Variants in PER3 observed in about 807,000 individuals in gnomAD.
The protein encoded by PER3 is period circadian protein homolog 3.
A neutral mutation model predicts 127.2 loss-of-function variants in PER3; 107 were observed. The ratio of observed to expected loss-of-function variants is 0.84; its 90% CI spans 0.72 to 0.99. The LOEUF (loss-of-function observed/expected upper bound fraction) is 0.99, where lower values mean the gene tolerates loss of function less well. Among genes scored for constraint, PER3 ranks in the 50% least tolerant of loss-of-function variants. PER3 has a pLI of 0.00. For synonymous variants in PER3, 618 were observed against 585.8 expected, an observed-to-expected ratio of 1.05 and a Z score of -0.79; for missense variants, 1,560 against 1,525.8, an observed-to-expected ratio of 1.02 and a Z score of -0.37.
chr1:7,803,738 A>AT lies in PER3; in HGVS notation c.1030dup (p.Cys344LeufsTer33). On this transcript the variant is annotated frameshift_variant, in exon 10 of 22. Transcript: ENST00000377532. LOFTEE classifies it high-confidence loss of function. Reference sequence around the variant, plus strand: ...CTCCCTTTGAACATTCTCCCATTCGATTTTGTACTCAAAACGGAGACTACA... The same window carrying AT: ...CTCCCTTTGAACATTCTCCCATTCGATTTTTGTACTCAAAACGGAGACTACA... The AT allele has an allele frequency of 6.2e-7, 1 of 1,610,484 alleles. No homozygotes were observed. Among genetic ancestry groups the AT allele is most frequent in the Non-Finnish European group, 8.5e-7 (1 of 1,176,800 alleles).
Position 7,813,492 on chromosome 1 carries a change from G to A in PER3, c.1522+2904G>A, listed in dbSNP as rs536754039. On this transcript the variant is annotated intron_variant, in intron 13 of 21. Coordinates refer to ENST00000377532, the MANE Select transcript of PER3 (RefSeq NM_001377275.1). ...ATGCAGCACTGGATTCCAGTGCACC[G>A]ACAGCCTGAGTCAAGTAACTTGCAA... 5.3e-5 allele frequency among the ~76,000 whole-genome samples: 8 copies of A among 152,272 alleles called. No individual in the cohort carries two copies. The South Asian group carries it at 8.3e-4, about 16-fold the overall frequency.
At position 7,827,133 on chromosome 1, in the gene PER3, A is replaced by G. The variant is rs918608674; in HGVS notation, c.2204A>G (p.Lys735Arg). 1.9e-6 allele frequency: 3 copies of G among 1,597,754 alleles called. No individual in the cohort carries two copies. The highest frequency in any genetic ancestry group is 2.7e-5 in the African/African-American group (2 of 74,500). ...ATCCTTCCAGGAGATTCTACTTCCA[A>G]GCAGACGCGGTCGGCCGGCTGCAGG... ...YSYFQGDSTS[K>R]QTRSAGCRKG... Residue 735 changes from lysine (K) to arginine (R), a missense_variant, in exon 18 of 22, where the codon AAG becomes AGG. Physicochemically the swap from Lys to Arg is conservative, Grantham distance 26. Coordinates refer to ENST00000377532, the MANE Select transcript of PER3 (RefSeq NM_001377275.1).
chr1:7,835,876 A>C lies in PER3; in HGVS notation c.3329A>C (p.Glu1110Ala). The C allele has an allele frequency of 6.2e-7, 1 of 1,612,024 alleles. No individual in the cohort carries two copies. The highest frequency in any genetic ancestry group is 8.5e-7 in the Non-Finnish European group (1 of 1,178,004). Residue 1110 changes from glutamate to alanine, a missense_variant, in exon 20 of 22, where the codon GAA (glutamate) becomes GCA (alanine). Glu to Ala is a moderately radical substitution (Grantham distance 107). Coordinates refer to ENST00000377532, the MANE Select transcript of PER3 (RefSeq NM_001377275.1). ...AAAGAAACATTTCCTAATGTCGCCG[A>C]AGAGCCCATCTGGAGAATGATACGG... The part of the protein sequence containing the change: ...QKKETFPNVA[E>A]EPIWRMIRQT...
intron 14 of PER3, 86 bp from the exon 15 acceptor site, chr1:7,820,029 A>C: frequency 7.4e-7 from 1 of 1,356,250 alleles, no homozygotes; most frequent in South Asian, 1.3e-5. Context: ...TATGCCAAAC[A>C]TAAGTGGCAT....
intron 13 of PER3, among the ~76,000 whole-genome samples, chr1:7,815,935 G>C (rs530341039): frequency 1.5e-5 from 2 of 136,832 alleles, no homozygotes; most frequent in East Asian, 4.7e-4. Context: ...GGAACTTGCA[G>C]TGAGCCAAGA....
chr1:7,804,890 A>G (rs1212766596), intron 10 of PER3, among the ~76,000 whole-genome samples: 3 of 145,088 alleles, frequency 2.1e-5, no homozygotes, highest in African/African-American at 7.6e-5. Flanking sequence ...TTTTTTTGAG[A>G]CAGGATCTCA....
At chr1:7,833,928 T>A (rs2097345090) in intron 19 of PER3, among the ~76,000 whole-genome samples, 1 of 152,146 alleles carries the variant, frequency 6.6e-6, no homozygotes, top group Non-Finnish European at 1.5e-5. Context: ...TATTTTATCT[T>A]ATTTTTTTCT....
rs746190926 is a variant in PER3, at chr1:7,798,541, A to C, written c.661A>C (p.Lys221Gln). The C allele has an allele frequency of 6.2e-7, 1 of 1,613,804 alleles. No homozygotes were observed. Among genetic ancestry groups the C allele is most frequent in the East Asian group, 2.2e-5 (1 of 44,884 alleles). The change falls in exon 7 of 22, where the codon AAG becomes CAG. Residue 221 changes from lysine (K) to glutamine (Q), a missense_variant. Lys to Gln is a moderately conservative substitution (Grantham distance 53). Around this residue, in one of 3 missense-constraint regions of PER3, gnomAD observed 1,332 missense variants for 1,223.6 expected, o/e 1.09. Transcript: ENST00000377532. ...FCRIRGGEDR[K>Q]QEKCHSPFRI... is the part of the protein sequence containing the mutation. Reference sequence around the variant, plus strand: ...TCTCCTCAGTGGAGGTGAAGACAGAAAGCAAGAGAAGTGTCACTCCCCATT... The same window carrying C: ...TCTCCTCAGTGGAGGTGAAGACAGACAGCAAGAGAAGTGTCACTCCCCATT...
At chr1:7,814,368 G>A (rs555954743) in intron 13 of PER3, among the ~76,000 whole-genome samples, 1 of 152,284 alleles carries the variant, frequency 6.6e-6, no homozygotes, top group South Asian at 2.1e-4. Context: ...ATTACATACA[G>A]AGAAACAAAG....
intron 13 of PER3, 76 bp downstream of exon 13, chr1:7,810,664 G>A (rs777318240): frequency 2.9e-5 from 40 of 1,400,352 alleles, no homozygotes; most frequent in South Asian, 4.4e-5. Flanking sequence ...TATGTGATTC[G>A]TGAGCATAAA....
Position 7,793,980 on chromosome 1 carries a change from C to G in PER3, c.616C>G (p.Pro206Ala), listed in dbSNP as rs759268594. Reference protein sequence around the residue: ...QRAAARYECAPVKPFFCRIRG... With the variant: ...QRAAARYECAAVKPFFCRIRG... ...AGCAGCTGCACGGTATGAATGTGCT[C>G]CGGTGAAACCTTTTTTCTGCAGGAT... Residue 206 changes from proline to alanine, a missense_variant, in exon 6 of 22, where the codon CCG (proline) becomes GCG (alanine). Physicochemically the swap from Pro to Ala is conservative, Grantham distance 27. This residue lies in a region of PER3 where 1,332 missense variants were observed against 1,223.6 expected (regional missense o/e 1.09). Coordinates refer to ENST00000377532, the MANE Select transcript of PER3 (RefSeq NM_001377275.1). 9.3e-6 allele frequency: 15 copies of G among 1,614,016 alleles called. No homozygotes were observed. Among genetic ancestry groups the G allele is most frequent in the Non-Finnish European group, 1.0e-5 (12 of 1,179,874 alleles).
chr1:7,801,326 A>T lies in PER3; in HGVS notation c.872+135A>T, dbSNP rs1468520398. The stretch of plus-strand genomic sequence containing the variant: ...CATTTGCCTATTTGATTTTTGTTAC[A>T]TGGAAATGTATGTTGTCTAAATTTT... On this transcript the variant is annotated intron_variant, in intron 8 of 21. Coordinates refer to ENST00000377532, the MANE Select transcript of PER3 (RefSeq NM_001377275.1). 14 of 569,844 alleles carry T rather than the reference A, an allele frequency of 2.5e-5. No homozygotes were observed. The African/African-American group carries it at 2.5e-4, about 10-fold the overall frequency. 35.3% of individuals were successfully genotyped at this position (569,844 alleles called of 1,614,324 possible). A position where few individuals can be genotyped will look rare whatever the true frequency, so the allele number is the denominator to read the frequency against.
chr1:7,820,416 T>C (rs2097270886), intron 15 of PER3, 51 bp from the exon 16 acceptor site: 2 of 1,544,810 alleles, frequency 1.3e-6, no homozygotes, highest in Non-Finnish European at 1.8e-6. Flanking sequence ...TTTATGTAAA[T>C]TTCTCGTTGG....
At chr1:7,837,200 G>A in intron 21 of PER3, 51 bp downstream of exon 21, 3 of 1,521,388 alleles carry the variant, frequency 2.0e-6, no homozygotes, top group Non-Finnish European at 2.7e-6. Context: ...TGGCCAGGTA[G>A]TGCTTTTAAT....
At chr1:7,820,775 T>C in intron 16 of PER3, 135 bp downstream of exon 16, 1 of 673,208 alleles carries the variant, frequency 1.5e-6, no homozygotes, top group Non-Finnish European at 2.5e-6. Context: ...TTTAGTTCAG[T>C]TAAAGTATTT....
intron 13 of PER3, among the ~76,000 whole-genome samples, chr1:7,813,328 A>G (rs1035582426): frequency 2.0e-5 from 3 of 152,236 alleles, no homozygotes; most frequent in Admixed American, 6.5e-5. Context: ...CAGAAACAGC[A>G]TCACCCCAGA....
intron 18 of PER3, among the ~76,000 whole-genome samples, chr1:7,828,172 C>T (rs780985656): frequency 2.0e-5 from 3 of 152,244 alleles, no homozygotes; most frequent in African/African-American, 7.2e-5. Flanking sequence ...TACTTACAAC[C>T]GGGGTTATGG....
chr1:7,820,209 C>T lies in PER3; in HGVS notation c.1753C>T (p.His585Tyr), dbSNP rs573028315. The change falls in exon 15 of 22, where the codon CAC becomes TAC. Residue 585 changes from histidine to tyrosine, a missense_variant. Physicochemically the swap from His to Tyr is moderately conservative, Grantham distance 83. Transcript: ENST00000377532. ...SSSSEEDKQNHKADDVQALQA... is the reference protein window; with the variant it reads ...SSSSEEDKQNYKADDVQALQA... ...CTCCTCAGAAGAAGACAAACAGAAC[C>T]ACAAGGCAGATGATGTCCAAGCCTT... 150 of 1,613,852 alleles carry T rather than the reference C, an allele frequency of 9.3e-5. No individual in the cohort carries two copies. The South Asian group carries it at 1.5e-3, about 16-fold the overall frequency.
intron 5 of PER3, 28 bp from the exon 6 acceptor site, chr1:7,793,929 G>A: frequency 6.2e-7 from 1 of 1,601,024 alleles, no homozygotes; most frequent in Non-Finnish European, 8.6e-7. Context: ...ATAAGAGGGA[G>A]TGACTGACCA....
Sources: allele counts gnomAD v4.1 joint callset (sites outside exome capture counted in the v4.1 genomes callset), GRCh38; gene constraint gnomAD v4.1.1; regional missense constraint gnomAD v4.1.1; transcripts MANE v1.5; gene names NCBI Gene and HGNC (gene_info 2026-07-23, HGNC 2026-07-21).